MACROD2: variants seen among roughly 807,000 people sequenced by gnomAD.
MACROD2 encodes the protein ADP-ribose glycohydrolase MACROD2.
MACROD2 carries 36 observed loss-of-function variants against 70.4 expected under a neutral mutation model. The ratio of observed to expected loss-of-function variants is 0.51; its 90% confidence interval spans 0.39 to 0.68. MACROD2 has a LOEUF of 0.68. Among genes scored for constraint, MACROD2 ranks in the 30% least tolerant of loss-of-function variants. The pLI is 0.00. For synonymous variants in MACROD2, 172 were observed against 178.8 expected (o/e 0.96, Z 0.30); for missense variants, 496 against 538.4 (o/e 0.92, Z 0.78).
intron 7 of MACROD2, among the ~76,000 whole-genome samples, chr20:15,469,512 G>T (rs751915045): frequency 1.3e-5 from 2 of 152,168 alleles, no homozygotes; most frequent in Non-Finnish European, 2.9e-5. Context: ...GGGAAGCAGG[G>T]CCCCAGTGTG....
chr20:14,515,783 T>G (rs2085090795), intron 4 of MACROD2, among the ~76,000 whole-genome samples: 2 of 151,954 alleles, frequency 1.3e-5, no homozygotes, highest in African/African-American at 4.8e-5. Context: ...TTTAGTGATC[T>G]ATTTCACTGC....
chr20:15,171,048 A>G (rs1017349167), intron 5 of MACROD2, among the ~76,000 whole-genome samples: 1 of 152,152 alleles, frequency 6.6e-6, no homozygotes, highest in African/African-American at 2.4e-5. Context: ...GTAGGACCCT[A>G]AGACGACAGC....
intron 3 of MACROD2, among the ~76,000 whole-genome samples, chr20:14,244,842 G>A (rs1601394320): frequency 6.6e-6 from 1 of 152,106 alleles, no homozygotes; most frequent in East Asian, 1.9e-4. Flanking sequence ...TGACCTTTTA[G>A]GAAAAGATTA....
intron 3 of MACROD2, among the ~76,000 whole-genome samples, chr20:14,349,821 T>C (rs902882294): frequency 2.7e-5 from 4 of 149,328 alleles, no homozygotes; most frequent in East Asian, 1.9e-4. Flanking sequence ...TTTCTTTTTT[T>C]TTTTTTTTTG....
chr20:15,624,033 C>T (rs1268198513), intron 8 of MACROD2, among the ~76,000 whole-genome samples: 1 of 152,160 alleles, frequency 6.6e-6, no homozygotes, highest in Admixed American at 6.5e-5. Context: ...AGGAGTGGAT[C>T]AGTCTGAGTC....
At chr20:14,015,579 A>G (rs1277306064) in intron 2 of MACROD2, among the ~76,000 whole-genome samples, 2 of 152,144 alleles carry the variant, frequency 1.3e-5, no homozygotes, top group Admixed American at 6.6e-5. Flanking sequence ...CTCCTCTCTT[A>G]AAATGAAATG....
Position 15,229,969 on chromosome 20 carries a change from A to T in MACROD2, c.448A>T (p.Arg150Trp). ...YVIHTVGPIA[R>W]GHINGSHKED... ...CATCCATACTGTAGGGCCAATAGCCAGGGGCCATATTAATGGTTCCCACAA... is the reference window on the plus strand; with the variant it reads ...CATCCATACTGTAGGGCCAATAGCCTGGGGCCATATTAATGGTTCCCACAA... Residue 150 changes from arginine to tryptophan, a missense_variant, in exon 6 of 18, where the codon AGG becomes TGG. Physicochemically the swap from Arg to Trp is moderately radical, Grantham distance 101. Transcript: ENST00000684519. 6.2e-7 allele frequency: 1 copy of T among 1,613,882 alleles called. No homozygotes were observed. Among genetic ancestry groups the T allele is most frequent in the Admixed American group, 1.7e-5 (1 of 60,022 alleles).
At chr20:14,579,177 C>A (rs1029243455) in intron 4 of MACROD2, among the ~76,000 whole-genome samples, 5 of 137,282 alleles carry the variant, frequency 3.6e-5, no homozygotes, top group African/African-American at 8.1e-5. Context: ...CTCTGTCGCC[C>A]AGGCCGGACT....
intron 5 of MACROD2, among the ~76,000 whole-genome samples, chr20:15,191,056 C>T (rs1446959396): frequency 2.0e-5 from 3 of 152,184 alleles, no homozygotes; most frequent in Non-Finnish European, 2.9e-5. Context: ...AAACTGTATA[C>T]ATAGTTAATC....
intron 5 of MACROD2, among the ~76,000 whole-genome samples, chr20:15,109,300 G>A (rs1391475774): frequency 6.6e-6 from 1 of 152,182 alleles, no homozygotes; most frequent in East Asian, 1.9e-4. Flanking sequence ...AAACTTTAAT[G>A]AGGTGGATGA....
intron 4 of MACROD2, among the ~76,000 whole-genome samples, chr20:14,627,686 C>A (rs1334328848): frequency 6.6e-6 from 1 of 152,178 alleles, no homozygotes; most frequent in Admixed American, 6.5e-5. Flanking sequence ...TGAATTAGTG[C>A]ACCCAAAAAC....
At position 14,801,527 on chromosome 20, in the gene MACROD2, GT is replaced by G. The variant is rs1028423847; in HGVS notation, c.418+116574del. Among the ~76,000 whole-genome samples the G allele has an allele frequency of 9.2e-5, 14 of 152,158 alleles. No individual in the cohort carries two copies. In the East Asian group the frequency reaches 2.5e-3, roughly 27 times the overall value. ...TATTTTACATATTCTCACACCAGGA[GT>G]TTTTTATACAGTAATAGCTACAATG... On this transcript the variant is annotated intron_variant, in intron 5 of 17. Coordinates refer to ENST00000684519, the MANE Select transcript of MACROD2 (RefSeq NM_001351661.2).
At chr20:15,477,427 GT>G (rs928677842) in intron 7 of MACROD2, among the ~76,000 whole-genome samples, 3 of 151,594 alleles carry the variant, frequency 2.0e-5, no homozygotes, top group South Asian at 2.1e-4. Context: ...TTTTAATGAG[GT>G]TTTTTTTCAT....
intron 5 of MACROD2, among the ~76,000 whole-genome samples, chr20:15,056,207 C>G (rs1314010990): frequency 6.6e-6 from 1 of 152,176 alleles, no homozygotes; most frequent in Non-Finnish European, 1.5e-5. Flanking sequence ...GCACTCTTCT[C>G]TCATGAAATT....
rs192046201 is a variant in MACROD2 at position 14,608,413 on chromosome 20, A to T, written c.302-76430A>T. Among the ~76,000 whole-genome samples, 29 of 152,316 alleles carry T rather than the reference A, an allele frequency of 1.9e-4. No homozygotes were observed. In the East Asian group the frequency reaches 5.6e-3, roughly 29 times the overall value. On this transcript the variant is annotated intron_variant, in intron 4 of 17. Coordinates refer to ENST00000684519, the MANE Select transcript of MACROD2 (RefSeq NM_001351661.2). ...TTTTGCTATTTACTGAATAAAGGGA[A>T]TTGAGAAAAAGGCATTTCTCATTCC...
chr20:14,233,582 A>G (rs2081839539), intron 3 of MACROD2, among the ~76,000 whole-genome samples: 1 of 151,188 alleles, frequency 6.6e-6, no homozygotes, highest in Non-Finnish European at 1.5e-5. Context: ...CTGTAGTCCC[A>G]GCTACTCGGG....
intron 5 of MACROD2, among the ~76,000 whole-genome samples, chr20:15,216,411 T>C (rs1355337434): frequency 6.6e-6 from 1 of 151,910 alleles, no homozygotes; most frequent in Non-Finnish European, 1.5e-5. Flanking sequence ...ATAAAACTTC[T>C]GGAAAGGAGA....
At chr20:14,108,184 C>T (rs184311988) in intron 3 of MACROD2, among the ~76,000 whole-genome samples, 116 of 151,892 alleles carry the variant, frequency 7.6e-4, no homozygotes, top group Non-Finnish European at 1.3e-3. Context: ...GTGTTGTCAT[C>T]AGTTTAAAAT....
In MACROD2 at chr20:14,892,210, G is replaced by T. The variant is rs554825623; in HGVS notation, c.418+207251G>T. ...AATGTGGGCTGGCATGGTGGCTCAC[G>T]CCTATAATCCCAGCACTTTGGGAGG... On this transcript the variant is annotated intron_variant, in intron 5 of 17. Transcript: ENST00000684519. Among the ~76,000 whole-genome samples, 6 of 152,062 alleles carry T rather than the reference G, an allele frequency of 3.9e-5. No homozygotes were observed. In the South Asian group the frequency reaches 8.3e-4, roughly 21 times the overall value.
Sources: allele counts gnomAD v4.1 joint callset (sites outside exome capture counted in the v4.1 genomes callset), GRCh38; gene constraint gnomAD v4.1.1; transcripts MANE v1.5; gene names NCBI Gene and HGNC (gene_info 2026-07-23, HGNC 2026-07-21).